PATJ: variants seen among roughly 807,000 people sequenced by gnomAD.
PATJ encodes PATJ crumbs cell polarity complex component.
Under a neutral mutation model 224.9 loss-of-function variants are expected in PATJ, and 190 were observed. The ratio of observed to expected loss-of-function variants is 0.84; its 90% confidence interval spans 0.75 to 0.95. PATJ has a LOEUF of 0.95. PATJ is among the 40% of genes least tolerant of loss of function. The pLI is 0.00. For synonymous variants in PATJ, 769 were observed against 820.3 expected, an observed-to-expected ratio of 0.94 and a Z score of 1.07; for missense variants, 2,121 against 2,270.3, an observed-to-expected ratio of 0.93 and a Z score of 1.34.
intron 27 of PATJ, among the ~76,000 whole-genome samples, chr1:61,938,461 A>G (rs534022375): frequency 1.3e-5 from 2 of 152,320 alleles, no homozygotes; most frequent in East Asian, 1.9e-4. Context: ...ACAGGGATCT[A>G]TATGCCAAAC....
At chr1:61,808,416 G>T (rs561224708) in intron 13 of PATJ, 58 bp from the exon 14 acceptor site, 2 of 989,428 alleles carry the variant, frequency 2.0e-6, no homozygotes, top group African/African-American at 3.2e-5. Context: ...TTCAGAAAAT[G>T]TAGGAGGAAA....
At chr1:62,060,475 C>T (rs1655243483) in intron 31 of PATJ, among the ~76,000 whole-genome samples, 1 of 152,060 alleles carries the variant, frequency 6.6e-6, no homozygotes, top group Non-Finnish European at 1.5e-5. Flanking sequence ...TCAAGCAATC[C>T]TCCTGCCTCA....
chr1:61,782,571 A>T (rs1190159295), intron 7 of PATJ, among the ~76,000 whole-genome samples: 3 of 152,190 alleles, frequency 2.0e-5, no homozygotes, highest in Non-Finnish European at 2.9e-5. Flanking sequence ...ATTTTAAAAA[A>T]TTGATTTATA....
chr1:61,834,712 G>A (rs1178413759), intron 17 of PATJ, among the ~76,000 whole-genome samples: 1 of 152,074 alleles, frequency 6.6e-6, no homozygotes, highest in African/African-American at 2.4e-5. Context: ...AATTAAAATA[G>A]TTTGAGCATT....
chr1:61,906,504 A>T (rs1053314679), intron 24 of PATJ, among the ~76,000 whole-genome samples: 2 of 152,220 alleles, frequency 1.3e-5, no homozygotes, highest in Non-Finnish European at 2.9e-5. Context: ...CCTATCACTC[A>T]GGAAATTCCA....
In PATJ at chr1:62,022,427, A is replaced by G. The variant is rs184792828; in HGVS notation, c.3959+4480A>G. ...GATACACTAAATTATTCAACTCTGG[A>G]TCATCCAGATGTGTATTACAATCTG... On this transcript the variant is annotated intron_variant, in intron 29 of 43. Transcript: ENST00000642238. Among the ~76,000 whole-genome samples the G allele has an allele frequency of 6.6e-4, 100 of 152,264 alleles. 1 individual carries two copies. The highest frequency in any genetic ancestry group is 3.4e-3 in the Middle Eastern group (1 of 294).
chr1:61,861,284 C>CTTTTTTT lies in PATJ; in HGVS notation c.2323-250_2323-244dup. 6.5e-4 allele frequency among the ~76,000 whole-genome samples: 32 copies of CTTTTTTT among 48,856 alleles called. 1 individual carries two copies. The highest frequency in any genetic ancestry group is 8.6e-4 in the African/African-American group (14 of 16,284). 32.1% of individuals were successfully genotyped at this position (48,856 alleles called of 152,430 possible). On this transcript the variant is annotated intron_variant, in intron 18 of 43. Coordinates refer to ENST00000642238, the MANE Select transcript of PATJ (RefSeq NM_001350145.3). The stretch of plus-strand genomic sequence containing the variant: ...TGAAACCAGGATATTTTCTTTCTTT[C>CTTTTTTT]TTTTTTTTTTTTTTTTTTTTTTTAC...
chr1:61,774,548 ATTCTTCACATATGAATT>A (rs1319396126), intron 6 of PATJ, among the ~76,000 whole-genome samples: 1 of 152,122 alleles, frequency 6.6e-6, no homozygotes, highest in Admixed American at 6.5e-5. Context: ...CCACCATTAG[ATTCTTCACATATGAATT>A]TTCTTAAACC....
chr1:61,990,005 G>A (rs753925451), intron 27 of PATJ, among the ~76,000 whole-genome samples, 163 bp from the exon 28 acceptor site: 4 of 152,030 alleles, frequency 2.6e-5, no homozygotes, highest in Non-Finnish European at 4.4e-5. Flanking sequence ...CCTGTGAATA[G>A]CCACTGCAGC....
At chr1:61,878,064 G>T (rs185017839) in intron 21 of PATJ, among the ~76,000 whole-genome samples, 1 of 152,224 alleles carries the variant, frequency 6.6e-6, no homozygotes, top group South Asian at 2.1e-4. Flanking sequence ...TTTGTGTGGA[G>T]CAATTCATGA....
chr1:61,878,235 C>T (rs1667602201), intron 21 of PATJ, among the ~76,000 whole-genome samples: 1 of 152,114 alleles, frequency 6.6e-6, no homozygotes, highest in Non-Finnish European at 1.5e-5. Flanking sequence ...GTCCTTCCTC[C>T]TCAGTGTCCT....
intron 20 of PATJ, among the ~76,000 whole-genome samples, chr1:61,871,483 G>GGGTATATA (rs1362256521): frequency 1.0e-5 from 1 of 100,070 alleles, no homozygotes; most frequent in Non-Finnish European, 2.0e-5. Flanking sequence ...ACATATATAT[G>GGGTATATA]TGTATATATG....
chr1:61,880,975 T>G (rs868802492), intron 21 of PATJ, among the ~76,000 whole-genome samples: 11 of 152,196 alleles, frequency 7.2e-5, no homozygotes, highest in Non-Finnish European at 1.0e-4. Context: ...ACACCTGTAA[T>G]CTCAGCTACT....
intron 31 of PATJ, chr1:62,054,188 A>AT: frequency 2.5e-5 from 5 of 198,778 alleles, no homozygotes; most frequent in Non-Finnish European, 5.3e-5. Context: ...CCCCATTTTT[A>AT]TTTAAAAAAA....
At chr1:62,136,193 C>T (rs977831066) in intron 41 of PATJ, among the ~76,000 whole-genome samples, 81 of 151,702 alleles carry the variant, frequency 5.3e-4, no homozygotes, top group Non-Finnish European at 1.2e-4. Context: ...CCGCCACGCC[C>T]GGCTAATTTT....
chr1:62,161,631 G>C lies in PATJ; in HGVS notation c.*577G>C, dbSNP rs566952523. 1 of 152,110 alleles carries C rather than the reference G, an allele frequency of 6.6e-6. No homozygotes were observed. The highest frequency in any genetic ancestry group is 2.1e-4 in the South Asian group (1 of 4,806). The allele number at this position is 152,110 out of a possible 1,614,324, so 9.4% of individuals were successfully genotyped here. On this transcript the variant is annotated 3_prime_UTR_variant, in exon 44 of 44. Transcript: ENST00000642238. ...TGGGATTCCAGGCGTGAGCCACTGC[G>C]CCCAGCCCAGTATTCTGATTTTAAC...
At chr1:62,043,812 C>T (rs947417413) in intron 30 of PATJ, among the ~76,000 whole-genome samples, 5 of 152,054 alleles carry the variant, frequency 3.3e-5, no homozygotes, top group African/African-American at 1.2e-4. Context: ...ACTGCATCCT[C>T]GACCTCCCAG....
In PATJ at chr1:62,161,129, A is replaced by T. The variant is rs1036890616; in HGVS notation, c.*75A>T. On this transcript the variant is annotated 3_prime_UTR_variant, in exon 44 of 44. Coordinates refer to ENST00000642238, the MANE Select transcript of PATJ (RefSeq NM_001350145.3). ...GCAGATGAAGTTCTGAGTGGGTATGAAAAGCACCCTCAACTAAAATGCACC... is the reference window on the plus strand; with the variant it reads ...GCAGATGAAGTTCTGAGTGGGTATGTAAAGCACCCTCAACTAAAATGCACC... 1.3e-5 allele frequency: 16 copies of T among 1,199,256 alleles called. No individual in the cohort carries two copies. In the African/African-American group the frequency reaches 2.3e-4, roughly 17 times the overall value. 74.3% of individuals were successfully genotyped at this position (1,199,256 alleles called of 1,614,324 possible). A position where few individuals can be genotyped will look rare whatever the true frequency, so the allele number is the denominator to read the frequency against.
At chr1:62,102,283 T>C (rs1472905893) in intron 33 of PATJ, among the ~76,000 whole-genome samples, 1 of 152,216 alleles carries the variant, frequency 6.6e-6, no homozygotes, top group Non-Finnish European at 1.5e-5. Context: ...TACATTTCTG[T>C]TGTCCCAGTG....
Sources: allele counts gnomAD v4.1 joint callset (sites outside exome capture counted in the v4.1 genomes callset), GRCh38; gene constraint gnomAD v4.1.1; transcripts MANE v1.5; gene names NCBI Gene and HGNC (gene_info 2026-07-23, HGNC 2026-07-21).